Variants in WDR59 observed in about 807,000 individuals in gnomAD.
WDR59 encodes the protein WD repeat domain 59.
A neutral mutation model predicts 131.2 loss-of-function variants in WDR59; 100 were observed. The observed-to-expected ratio is 0.76, with a 90% CI of 0.65 to 0.90. The LOEUF is 0.90. WDR59 is among the 40% of genes least tolerant of loss of function. The pLI is 0.00. For missense variants in WDR59, 1,203 were observed against 1,262.2 expected, an observed-to-expected ratio of 0.95 and a Z score of 0.71; for synonymous variants, 601 against 466.2, an observed-to-expected ratio of 1.29 and a Z score of -3.72.
intron 8 of WDR59, among the ~76,000 whole-genome samples, chr16:74,931,462 A>G (rs1273453991): frequency 2.0e-5 from 3 of 152,062 alleles, no homozygotes; most frequent in Non-Finnish European, 4.4e-5. Flanking sequence ...CTGCCTCCCA[A>G]GTAGCTGGGA....
chr16:74,925,054 C>A (rs1378160222), intron 8 of WDR59, among the ~76,000 whole-genome samples: 1 of 152,166 alleles, frequency 6.6e-6, no homozygotes, highest in East Asian at 1.9e-4. Context: ...TATAGTGGCT[C>A]TATTCACAAT....
At chr16:74,946,093 C>A (rs1347565084) in intron 6 of WDR59, among the ~76,000 whole-genome samples, 9 of 152,008 alleles carry the variant, frequency 5.9e-5, no homozygotes, top group Non-Finnish European at 1.2e-4. Flanking sequence ...GGATTACAGG[C>A]GTGAGCCACC....
In WDR59 at chr16:74,874,130, G is replaced by T; in HGVS notation, c.*79C>A. 7.9e-7 allele frequency: 1 copy of T among 1,262,608 alleles called. No homozygotes were observed. Among genetic ancestry groups the T allele is most frequent in the East Asian group, 2.5e-5 (1 of 39,792 alleles). 78.2% of individuals were successfully genotyped at this position (1,262,608 alleles called of 1,614,324 possible). ...ACTGGGGACGAACCCAGGTTCTGGAGCCTCTCCCCTGACAGACAGCTTGTC... is the reference window on the plus strand; with the variant it reads ...ACTGGGGACGAACCCAGGTTCTGGATCCTCTCCCCTGACAGACAGCTTGTC... On this transcript the variant is annotated 3_prime_UTR_variant, in exon 26 of 26. Transcript: ENST00000262144.
intron 10 of WDR59, among the ~76,000 whole-genome samples, chr16:74,918,418 C>A (rs1966495659): frequency 6.6e-6 from 1 of 152,204 alleles, no homozygotes; most frequent in East Asian, 1.9e-4. Context: ...TTCACCTCTG[C>A]AAATGTTCGT....
chr16:74,926,741 G>C lies in WDR59; in HGVS notation c.652-2738C>G, dbSNP rs536596901. 4.6e-5 allele frequency among the ~76,000 whole-genome samples: 7 copies of C among 152,294 alleles called. No homozygotes were observed. In the South Asian group the frequency reaches 1.2e-3, roughly 27 times the overall value. On this transcript the variant is annotated intron_variant, in intron 8 of 25. Coordinates refer to ENST00000262144, the MANE Select transcript of WDR59 (RefSeq NM_030581.4). ...AAAGAAGAGACTTTCCAAAGGTTTT[G>C]CTTGGTTTGGTTAATAACTTTGGGA...
intron 10 of WDR59, among the ~76,000 whole-genome samples, chr16:74,920,741 G>A (rs1441114366): frequency 6.6e-6 from 1 of 152,054 alleles, no homozygotes; most frequent in Non-Finnish European, 1.5e-5. Context: ...GGGTTTATCG[G>A]GACATAACCC....
At chr16:74,886,434 G>C (rs555625825) in intron 23 of WDR59, 38 bp from the exon 24 acceptor site, 2 of 1,605,310 alleles carry the variant, frequency 1.2e-6, no homozygotes, top group Non-Finnish European at 1.7e-6. Flanking sequence ...ATGGCAATCA[G>C]AGAAGGCATG....
At chr16:74,888,409 G>A (rs949746247) in intron 21 of WDR59, 90 bp from the exon 22 acceptor site, 4 of 1,343,442 alleles carry the variant, frequency 3.0e-6, no homozygotes, top group Non-Finnish European at 4.0e-6. Flanking sequence ...CTGCCACAGG[G>A]GTGGGAAGGG....
intron 20 of WDR59, among the ~76,000 whole-genome samples, chr16:74,892,048 G>C (rs2144827207): frequency 6.6e-6 from 1 of 152,284 alleles, no homozygotes; most frequent in African/African-American, 2.4e-5. Flanking sequence ...ATAATACACT[G>C]ATATGTTGCT....
intron 18 of WDR59, 72 bp downstream of exon 18, chr16:74,903,875 G>A (rs1476000270): frequency 1.6e-5 from 25 of 1,516,454 alleles, no homozygotes; most frequent in South Asian, 6.2e-5. Context: ...TAGCTGCTGC[G>A]CCAGGCAGGA....
chr16:74,911,763 G>C (rs1295644411), intron 14 of WDR59, among the ~76,000 whole-genome samples: 1 of 152,080 alleles, frequency 6.6e-6, no homozygotes, highest in African/African-American at 2.4e-5. Flanking sequence ...CTTGCTTGTT[G>C]TTTTCAGGTA....
chr16:74,903,389 G>C (rs1965647461), intron 18 of WDR59, among the ~76,000 whole-genome samples: 2 of 152,060 alleles, frequency 1.3e-5, no homozygotes, highest in Non-Finnish European at 2.9e-5. Flanking sequence ...AACTACTTTA[G>C]GGACAATGAG....
At chr16:74,916,070 A>G in intron 12 of WDR59, 57 bp downstream of exon 12, 5 of 1,613,932 alleles carry the variant, frequency 3.1e-6, no homozygotes, top group Non-Finnish European at 4.2e-6. Context: ...GGTATCTGCC[A>G]CAACTCTGCA....
intron 1 of WDR59, among the ~76,000 whole-genome samples, chr16:74,979,331 T>C (rs1249444713): frequency 1.3e-5 from 2 of 151,572 alleles, no homozygotes; most frequent in Non-Finnish European, 2.9e-5. Flanking sequence ...CCAGGCATGG[T>C]GGCGGGCGCC....
At chr16:74,927,442 G>C (rs921202662) in intron 8 of WDR59, among the ~76,000 whole-genome samples, 3 of 151,964 alleles carry the variant, frequency 2.0e-5, no homozygotes, top group African/African-American at 7.2e-5. Flanking sequence ...ACACAAATTA[G>C]CCAGGCATGG....
rs556417114 is a variant in WDR59, at chr16:74,872,060, T to G, written c.*2149A>C. ...GAAATGAATTTACGCTATGATCCGGTATACACCTGTGCACACATGTGCTGC... is the reference window on the plus strand; with the variant it reads ...GAAATGAATTTACGCTATGATCCGGGATACACCTGTGCACACATGTGCTGC... On this transcript the variant is annotated 3_prime_UTR_variant, in exon 26 of 26. Coordinates refer to ENST00000262144, the MANE Select transcript of WDR59 (RefSeq NM_030581.4). 1 of 152,408 alleles carries G rather than the reference T, an allele frequency of 6.6e-6. No individual in the cohort carries two copies. The highest frequency in any genetic ancestry group is 1.9e-4 in the East Asian group (1 of 5,194). 9.4% of individuals were successfully genotyped at this position (152,408 alleles called of 1,614,324 possible).
At chr16:74,981,393 A>C (rs1251155272) in intron 1 of WDR59, among the ~76,000 whole-genome samples, 23 of 148,384 alleles carry the variant, frequency 1.6e-4, no homozygotes, top group Admixed American at 6.1e-4. Flanking sequence ...AAACAAAAAA[A>C]ACACACACAC....
Position 74,984,955 on chromosome 16 carries a change from C to G in WDR59, c.54+9G>C. On this transcript the variant is annotated intron_variant, in intron 1 of 25. Coordinates refer to ENST00000262144, the MANE Select transcript of WDR59 (RefSeq NM_030581.4). ...ATGCCCAGAGGGCTCCACTCGGCCT[C>G]TAGCTCACCTGGGAGTCACGGAACT... 5.0e-6 allele frequency: 8 copies of G among 1,603,670 alleles called. No individual in the cohort carries two copies. In the South Asian group the frequency reaches 5.6e-5, roughly 11 times the overall value.
chr16:74,890,074 A>G (rs1324950985), intron 20 of WDR59, among the ~76,000 whole-genome samples: 1 of 152,238 alleles, frequency 6.6e-6, no homozygotes, highest in African/African-American at 2.4e-5. Flanking sequence ...TTTTTCATTA[A>G]GCAAACATCA....
Sources: allele counts gnomAD v4.1 joint callset (sites outside exome capture counted in the v4.1 genomes callset), GRCh38; gene constraint gnomAD v4.1.1; transcripts MANE v1.5; gene names NCBI Gene and HGNC (gene_info 2026-07-23, HGNC 2026-07-21).